MX2: variants seen among roughly 807,000 people sequenced by gnomAD.
MX2 encodes the protein interferon-induced GTP-binding protein Mx2.
Under a neutral mutation model 74.0 loss-of-function variants are expected in MX2, and 51 were observed. The observed-to-expected ratio is 0.69, with a 90% CI of 0.55 to 0.87. The LOEUF is 0.87. MX2 is among the 40% of genes least tolerant of loss of function. The pLI is 0.00. For synonymous variants in MX2, 369 were observed against 339.3 expected, an observed-to-expected ratio of 1.09 and a Z score of -0.96; for missense variants, 832 against 908.7, an observed-to-expected ratio of 0.92 and a Z score of 1.09.
chr21:41,366,195 C>T lies in MX2; in HGVS notation c.-72+4140C>T, dbSNP rs1384338918. On this transcript the variant is annotated intron_variant, in intron 1 of 13. Coordinates refer to ENST00000330714, the MANE Select transcript of MX2 (RefSeq NM_002463.2). The surrounding 1 kb of genome is among the most constrained non-coding windows in gnomAD (Gnocchi z 4.5). The stretch of plus-strand genomic sequence containing the variant: ...CTGCCTTCGTGTATCACTGGGAAAT[C>T]TTAAAGATCCCACAGTGGCCTGTGA... The T allele has an allele frequency of 6.6e-6, 1 of 152,388 alleles. No homozygotes were observed. Among genetic ancestry groups the T allele is most frequent in the Middle Eastern group, 3.4e-3 (1 of 294 alleles). 9.4% of individuals were successfully genotyped at this position (152,388 alleles called of 1,614,324 possible).
rs1277467375 is a variant in MX2 at position 41,368,725 on chromosome 21, C to T, written c.-72+6670C>T. Among the ~76,000 whole-genome samples, 1 of 152,196 alleles carries T rather than the reference C, an allele frequency of 6.6e-6. No homozygotes were observed. Among genetic ancestry groups the T allele is most frequent in the Admixed American group, 6.5e-5 (1 of 15,278 alleles). On this transcript the variant is annotated intron_variant, in intron 1 of 13. Transcript: ENST00000330714. The surrounding 1 kb of genome is among the most constrained non-coding windows in gnomAD (Gnocchi z 4.6). The stretch of plus-strand genomic sequence containing the variant: ...AGAATATTGGGCTTCACAAAAGGAA[C>T]CCTCCTTTCCCTTGTTCTTTCTTCC...
In MX2 at chr21:41,403,351, C is replaced by G; in HGVS notation, c.1650+8C>G. 1 of 1,609,088 alleles carries G rather than the reference C, an allele frequency of 6.2e-7. No individual in the cohort carries two copies. Among genetic ancestry groups the G allele is most frequent in the South Asian group, 1.1e-5 (1 of 90,972 alleles). On this transcript the variant is annotated splice_region_variant and intron_variant, in intron 12 of 13. Coordinates refer to ENST00000330714, the MANE Select transcript of MX2 (RefSeq NM_002463.2). ...CTTAACCAAACTGTTCAGGTAAGCA[C>G]CCAGAGTTCACTTGCTAGTCACCTG...
intron 1 of MX2, among the ~76,000 whole-genome samples, chr21:41,371,312 C>T (rs1458069035): frequency 2.6e-5 from 4 of 152,102 alleles, no homozygotes; most frequent in African/African-American, 9.7e-5. Context: ...ATCCATTGGT[C>T]TGGGTTTGTT....
chr21:41,378,751 A>G (rs1359043029), intron 3 of MX2, among the ~76,000 whole-genome samples: 2 of 152,156 alleles, frequency 1.3e-5, no homozygotes, highest in Non-Finnish European at 2.9e-5. Flanking sequence ...TAAGCAGGGC[A>G]TAGGGAAGCC....
intron 7 of MX2, among the ~76,000 whole-genome samples, chr21:41,396,645 C>T (rs1028553256): frequency 6.6e-6 from 1 of 152,182 alleles, no homozygotes; most frequent in African/African-American, 2.4e-5. Context: ...ACACAAAGGT[C>T]TTGAGCGCCA....
At chr21:41,382,860 G>T (rs1260741975) in intron 5 of MX2, among the ~76,000 whole-genome samples, 2 of 152,232 alleles carry the variant, frequency 1.3e-5, no homozygotes, top group African/African-American at 4.8e-5. Context: ...TGTGCTGATA[G>T]TCAAAAGCGG....
rs544925172 is a variant in MX2 at position 41,372,174 on chromosome 21, T to G, written c.-71-4662T>G. Among the ~76,000 whole-genome samples, 4 of 152,330 alleles carry G rather than the reference T, an allele frequency of 2.6e-5. No individual in the cohort carries two copies. In the East Asian group the frequency reaches 7.7e-4, roughly 29 times the overall value. On this transcript the variant is annotated intron_variant, in intron 1 of 13. Transcript: ENST00000330714. The stretch of plus-strand genomic sequence containing the variant: ...GAATCCTGTCTCACCTTTACAGTCT[T>G]GCCTGGGTTATATTGGTTGCAGATG...
At position 41,402,344 on chromosome 21, in the gene MX2, A is replaced by C; in HGVS notation, c.1573+216A>C. On this transcript the variant is annotated intron_variant, in intron 11 of 13. Coordinates refer to ENST00000330714, the MANE Select transcript of MX2 (RefSeq NM_002463.2). The surrounding 1 kb of genome is among the most constrained non-coding windows in gnomAD (Gnocchi z 4.5). Reference sequence around the variant, plus strand: ...ACCGATTCTGCCCTTCTGCCTGAGAACTCGTACTGAGGTTTCCAGGAGATG... The same window carrying C: ...ACCGATTCTGCCCTTCTGCCTGAGACCTCGTACTGAGGTTTCCAGGAGATG... The C allele has an allele frequency of 1.9e-6, 1 of 520,110 alleles. No individual in the cohort carries two copies. Among genetic ancestry groups the C allele is most frequent in the Non-Finnish European group, 3.3e-6 (1 of 306,608 alleles). 32.2% of individuals were successfully genotyped at this position (520,110 alleles called of 1,614,324 possible).
Position 41,389,278 on chromosome 21 carries a change from GC to G in MX2, c.733-1285del, listed in dbSNP as rs917049808. 7.9e-5 allele frequency among the ~76,000 whole-genome samples: 12 copies of G among 152,094 alleles called. 1 individual carries two copies. Among genetic ancestry groups the G allele is most frequent in the Non-Finnish European group, 1.5e-4 (10 of 68,040 alleles). Reference sequence around the variant, plus strand: ...GCCTGTAATCCCAGCACTTTGGGAGGCCGAGGTGAGCAGATTACTTGCGGCC... The same window carrying G: ...GCCTGTAATCCCAGCACTTTGGGAGGCGAGGTGAGCAGATTACTTGCGGCC... On this transcript the variant is annotated intron_variant, in intron 5 of 13. Transcript: ENST00000330714.
Position 41,377,922 on chromosome 21 carries a change from G to A in MX2, c.383G>A (p.Ser128Asn). The change falls in exon 3 of 14, where the codon AGC becomes AAC. Residue 128 changes from serine to asparagine, a missense_variant. Transcript: ENST00000330714. ...LPAIAVIGDQ[S>N]SGKSSVLEAL... Reference sequence around the variant, plus strand: ...GCCATCGCCGTCATCGGGGACCAGAGCTCGGGCAAGAGCTCTGTGCTGGAG... The same window carrying A: ...GCCATCGCCGTCATCGGGGACCAGAACTCGGGCAAGAGCTCTGTGCTGGAG... 1.2e-6 allele frequency: 2 copies of A among 1,614,206 alleles called. No individual in the cohort carries two copies. Among genetic ancestry groups the A allele is most frequent in the Non-Finnish European group, 1.7e-6 (2 of 1,180,054 alleles).
rs564988279 is a variant in MX2 at position 41,388,154 on chromosome 21, G to T, written c.733-2411G>T. On this transcript the variant is annotated intron_variant, in intron 5 of 13. Transcript: ENST00000330714. This position sits in a 1 kb window ranked among gnomAD's most constrained non-coding sequence, Gnocchi z 4.0. ...CCATCCCAAGAATGTTTCCCACACA[G>T]CTCTTGTGTTTTAAGGCACAAGTCA... Among the ~76,000 whole-genome samples the T allele has an allele frequency of 6.6e-6, 1 of 152,280 alleles. No homozygotes were observed. Among genetic ancestry groups the T allele is most frequent in the South Asian group, 2.1e-4 (1 of 4,826 alleles).
intron 1 of MX2, among the ~76,000 whole-genome samples, chr21:41,376,323 C>T (rs2089400902): frequency 6.6e-6 from 1 of 152,140 alleles, no homozygotes; most frequent in African/African-American, 2.4e-5. Context: ...TGCTTGAGCT[C>T]AGGAGTTTGA....
chr21:41,386,248 A>AAAAAAG (rs2089575542), intron 5 of MX2, among the ~76,000 whole-genome samples: 1 of 147,060 alleles, frequency 6.8e-6, no homozygotes, highest in African/African-American at 2.6e-5. Context: ...AAAAAAAAAA[A>AAAAAAG]ACAAATCTGC....
intron 1 of MX2, among the ~76,000 whole-genome samples, chr21:41,362,438 C>G (rs897412835): frequency 2.0e-5 from 3 of 152,076 alleles, no homozygotes; most frequent in African/African-American, 7.2e-5. Context: ...CGGAGGGTTT[C>G]AAGTGTTCCT....
At chr21:41,378,705 T>C (rs754138381) in intron 3 of MX2, among the ~76,000 whole-genome samples, 10 of 151,766 alleles carry the variant, frequency 6.6e-5, no homozygotes, top group Non-Finnish European at 1.3e-4. Flanking sequence ...ACCCTCAGAG[T>C]GGGTACTGGA....
chr21:41,393,577 T>C (rs184141750), intron 6 of MX2, among the ~76,000 whole-genome samples: 30 of 152,262 alleles, frequency 2.0e-4, no homozygotes, highest in Admixed American at 4.6e-4. Flanking sequence ...GTCACATTCT[T>C]AGACTCCTTG....
chr21:41,381,789 G>T (rs1238972460), intron 4 of MX2, among the ~76,000 whole-genome samples: 1 of 151,732 alleles, frequency 6.6e-6, no homozygotes, highest in Non-Finnish European at 1.5e-5. Context: ...GGGAATGTAA[G>T]TTGGTGCAAC....
In MX2 at chr21:41,380,263, C is replaced by T; in HGVS notation, c.577+112C>T. 1 of 1,437,430 alleles carries T rather than the reference C, an allele frequency of 7.0e-7. No homozygotes were observed. The highest frequency in any genetic ancestry group is 9.4e-7 in the Non-Finnish European group (1 of 1,058,404). 89.0% of individuals were successfully genotyped at this position (1,437,430 alleles called of 1,614,324 possible). A position where few individuals can be genotyped will look rare whatever the true frequency, so the allele number is the denominator to read the frequency against. On this transcript the variant is annotated intron_variant, in intron 4 of 13. Transcript: ENST00000330714. This position sits in a 1 kb window ranked among gnomAD's most constrained non-coding sequence, Gnocchi z 4.3. ...ACAGTGACCACTCAGCTCCTAGCCC[C>T]ATGTGCTCCCACATGGGGCTGAACC...
Position 41,397,692 on chromosome 21 carries a change from G to A in MX2, c.1149+1G>A, listed in dbSNP as rs149795199. ...CACTGAACTCATCATGCATATCCAA[G>A]TGAGCCACGTGGGTTGGGTGACAAG... On this transcript the variant is annotated splice_donor_variant, in intron 8 of 13. Transcript: ENST00000330714. LOFTEE classifies it high-confidence loss of function. 57 of 1,613,674 alleles carry A rather than the reference G, an allele frequency of 3.5e-5. No individual in the cohort carries two copies. Among genetic ancestry groups the A allele is most frequent in the Non-Finnish European group, 3.7e-5 (44 of 1,179,726 alleles).
Sources: allele counts gnomAD v4.1 joint callset (sites outside exome capture counted in the v4.1 genomes callset), GRCh38; gene constraint gnomAD v4.1.1; non-coding constraint Gnocchi (gnomAD v3.1); transcripts MANE v1.5; gene names NCBI Gene and HGNC (gene_info 2026-07-23, HGNC 2026-07-21).